NUP155: variants seen among roughly 807,000 people sequenced by gnomAD.
NUP155 encodes nuclear pore complex protein Nup155.
NUP155 carries 71 observed loss-of-function variants against 180.4 expected under a neutral mutation model. The observed-to-expected ratio is 0.39, with a 90% CI of 0.33 to 0.48. NUP155 has a LOEUF of 0.48. NUP155 is among the 20% of genes least tolerant of loss of function. The pLI, the probability that NUP155 is intolerant of heterozygous loss-of-function variation, is 0.91. For missense variants in NUP155, 1,553 were observed against 1,648.9 expected, an observed-to-expected ratio of 0.94 and a Z score of 1.01; for synonymous variants, 582 against 559.5, an observed-to-expected ratio of 1.04 and a Z score of -0.57.
chr5:37,334,857 T>C (rs1482481506), intron 12 of NUP155, among the ~76,000 whole-genome samples: 1 of 152,172 alleles, frequency 6.6e-6, no homozygotes, highest in African/African-American at 2.4e-5. Context: ...ATACTATCTT[T>C]CCTTTAAAAA....
chr5:37,357,178 G>A (rs1353983636), intron 4 of NUP155, among the ~76,000 whole-genome samples: 2 of 151,732 alleles, frequency 1.3e-5, no homozygotes. Flanking sequence ...CCCTGAGGTG[G>A]GTGGATTGCT....
At chr5:37,329,619 T>C (rs916926133) in intron 15 of NUP155, among the ~76,000 whole-genome samples, 5 of 152,188 alleles carry the variant, frequency 3.3e-5, no homozygotes, top group African/African-American at 1.2e-4. Flanking sequence ...TCTAACAAAA[T>C]CACATTTCAA....
intron 1 of NUP155, among the ~76,000 whole-genome samples, chr5:37,366,563 C>T (rs1387648391): frequency 6.6e-6 from 1 of 152,158 alleles, no homozygotes; most frequent in African/African-American, 2.4e-5. Context: ...CTCAGACTCC[C>T]GGGTAGCTGG....
At chr5:37,322,633 G>C (rs1744319878) in intron 20 of NUP155, among the ~76,000 whole-genome samples, 1 of 151,390 alleles carries the variant, frequency 6.6e-6, no homozygotes, top group Non-Finnish European at 1.5e-5. Flanking sequence ...CATGAACCCG[G>C]GAGGCGGAGG....
rs763050980 is a variant in NUP155 at position 37,327,678 on chromosome 5, A to G, written c.1975T>C (p.Tyr659His). The G allele has an allele frequency of 6.2e-7, 1 of 1,614,078 alleles. No homozygotes were observed. Among genetic ancestry groups the G allele is most frequent in the East Asian group, 2.2e-5 (1 of 44,884 alleles). Residue 659 changes from tyrosine (Y) to histidine (H), a missense_variant, in exon 18 of 35, where the codon TAC (tyrosine) becomes CAC (histidine). By Grantham distance (83) the Tyr-to-His change is moderately conservative. Transcript: ENST00000231498. The part of the protein sequence containing the change: ...MSCVTGPEIV[Y>H]SGKHNGICIY... ...CAAATACCATTGTGTTTTCCAGAGT[A>G]CACAATCTCTGGTCCAGTCACACAA...
rs745393371 is a variant in NUP155 at position 37,333,644 on chromosome 5, GAAAT to G, written c.1348-15_1348-12del. ...AACACCAGCTGTCATCTATGTAAAA[GAAAT>G]AAATGTTTTATACATCATATTGAAG... On this transcript the variant is annotated splice_polypyrimidine_tract_variant and intron_variant, in intron 12 of 34. Coordinates refer to ENST00000231498, the MANE Select transcript of NUP155 (RefSeq NM_153485.3). 2 of 1,607,370 alleles carry G rather than the reference GAAAT, an allele frequency of 1.2e-6. No individual in the cohort carries two copies. The highest frequency in any genetic ancestry group is 1.3e-5 in the African/African-American group (1 of 74,500).
At position 37,288,714 on chromosome 5, in the gene NUP155, A is replaced by G. The variant is rs1211444048; in HGVS notation, c.*3186T>C. ...CAGGAGTTTTGAGAGCAGTCTGGGCAACAGAGTGAGATCTTTTGGCTACAC... is the reference window on the plus strand; with the variant it reads ...CAGGAGTTTTGAGAGCAGTCTGGGCGACAGAGTGAGATCTTTTGGCTACAC... On this transcript the variant is annotated 3_prime_UTR_variant, in exon 35 of 35. Transcript: ENST00000231498. 6.9e-6 allele frequency: 1 copy of G among 145,452 alleles called. No individual in the cohort carries two copies. Among genetic ancestry groups the G allele is most frequent in the African/African-American group, 2.5e-5 (1 of 39,232 alleles). 9.0% of individuals were successfully genotyped at this position (145,452 alleles called of 1,614,324 possible).
intron 5 of NUP155, among the ~76,000 whole-genome samples, chr5:37,352,304 G>C (rs557855114): frequency 3.3e-5 from 5 of 152,212 alleles, no homozygotes; most frequent in Middle Eastern, 3.4e-3. Flanking sequence ...GTTGCACTGA[G>C]CCAAGATTGC....
chr5:37,353,320 C>T (rs4869427), intron 4 of NUP155, among the ~76,000 whole-genome samples: 7,635 of 151,896 alleles, frequency 0.05, 311 homozygotes, highest in Admixed American at 0.069. Flanking sequence ...GAAAGTTGGC[C>T]GGGCACGCCT....
intron 1 of NUP155, among the ~76,000 whole-genome samples, chr5:37,365,738 A>AAAAAAAAAATAT (rs1561818758): frequency 5.4e-5 from 2 of 37,132 alleles, no homozygotes; most frequent in Non-Finnish European, 4.6e-5. Flanking sequence ...AAAAAAAAAA[A>AAAAAAAAAATAT]ATATATATAT....
chr5:37,370,519 C>T lies in NUP155; in HGVS notation c.157+302G>A, dbSNP rs1359621126. 3.3e-5 allele frequency: 20 copies of T among 608,736 alleles called. No homozygotes were observed. The South Asian group carries it at 4.1e-4, about 12-fold the overall frequency. The allele number at this position is 608,736 out of a possible 1,614,324, so 37.7% of individuals were successfully genotyped here. ...GGGACTTGGATCTGGAGATGCTTCT[C>T]ATATGGCCTTAGCCATAAGCACTTG... On this transcript the variant is annotated intron_variant, in intron 1 of 34. Coordinates refer to ENST00000231498, the MANE Select transcript of NUP155 (RefSeq NM_153485.3).
intron 10 of NUP155, 58 bp from the exon 11 acceptor site, chr5:37,341,300 T>A: frequency 6.9e-7 from 1 of 1,456,364 alleles, no homozygotes. Context: ...GAGGTAAATG[T>A]GTTATTGAAG....
intron 12 of NUP155, among the ~76,000 whole-genome samples, chr5:37,334,399 G>A (rs912198134): frequency 3.5e-5 from 5 of 144,652 alleles, no homozygotes; most frequent in African/African-American, 5.4e-5. Flanking sequence ...TTTTTTTTCT[G>A]AGGCAGAGTC....
chr5:37,338,000 A>G, intron 11 of NUP155, 82 bp from the exon 12 acceptor site: 1 of 905,558 alleles, frequency 1.1e-6, no homozygotes, highest in Non-Finnish European at 1.8e-6. Flanking sequence ...AGGTTAGTGC[A>G]AAAGCAATTG....
At position 37,333,400 on chromosome 5, in the gene NUP155, A is replaced by T. The variant is rs938903112; in HGVS notation, c.1518+63T>A. The T allele has an allele frequency of 2.8e-6, 4 of 1,410,524 alleles. No individual in the cohort carries two copies. In the Admixed American group the frequency reaches 5.0e-5, roughly 18 times the overall value. 87.4% of individuals were successfully genotyped at this position (1,410,524 alleles called of 1,614,324 possible). A position where few individuals can be genotyped will look rare whatever the true frequency, so the allele number is the denominator to read the frequency against. On this transcript the variant is annotated intron_variant, in intron 13 of 34. Coordinates refer to ENST00000231498, the MANE Select transcript of NUP155 (RefSeq NM_153485.3). ...ATTCAATTAAGCCACTACTTCAGAG[A>T]ACTTGACAAAAATATTATACATCGC...
Position 37,325,981 on chromosome 5 carries a change from A to G in NUP155, c.2025-14T>C. 1.3e-6 allele frequency: 2 copies of G among 1,568,360 alleles called. No individual in the cohort carries two copies. The highest frequency in any genetic ancestry group is 1.8e-6 in the Non-Finnish European group (2 of 1,141,674). On this transcript the variant is annotated splice_polypyrimidine_tract_variant and intron_variant, in intron 18 of 34. Transcript: ENST00000231498. ...TCCCAAATGTTTCTGGAAAAAAAAA[A>G]GTTTTAATGATTGTGCTGTAAATGA...
intron 9 of NUP155, among the ~76,000 whole-genome samples, chr5:37,346,089 T>C (rs1318317820): frequency 6.6e-6 from 1 of 151,836 alleles, no homozygotes; most frequent in Non-Finnish European, 1.5e-5. Context: ...ACAAAAAGGC[T>C]GAGCAAGATA....
chr5:37,320,062 G>A lies in NUP155; in HGVS notation c.2208-1977C>T, dbSNP rs1457135626. Among the ~76,000 whole-genome samples the A allele has an allele frequency of 2.6e-5, 4 of 152,134 alleles. No homozygotes were observed. The East Asian group carries it at 5.8e-4, about 22-fold the overall frequency. On this transcript the variant is annotated intron_variant, in intron 20 of 34. Coordinates refer to ENST00000231498, the MANE Select transcript of NUP155 (RefSeq NM_153485.3). ...CAGCCAGGTGTGGCAGCACATGCCT[G>A]TAGCCCCAGCTACTCAGGCGGCTGA...
At chr5:37,295,506 C>A (rs2150936354) in intron 32 of NUP155, among the ~76,000 whole-genome samples, 1 of 151,910 alleles carries the variant, frequency 6.6e-6, no homozygotes, top group South Asian at 2.1e-4. Context: ...GCCTGGCCGC[C>A]CATCGTCTGG....
Sources: allele counts gnomAD v4.1 joint callset (sites outside exome capture counted in the v4.1 genomes callset), GRCh38; gene constraint gnomAD v4.1.1; transcripts MANE v1.5; gene names NCBI Gene and HGNC (gene_info 2026-07-23, HGNC 2026-07-21).